TEK: variants seen among roughly 807,000 people sequenced by gnomAD.
TEK encodes TEK receptor tyrosine kinase, also known as angiopoietin-1 receptor.
A neutral mutation model predicts 131.8 loss-of-function variants in TEK; 43 were observed. The ratio of observed to expected loss-of-function variants is 0.33; its 90% confidence interval spans 0.26 to 0.42. The LOEUF is 0.42. Ranked by LOEUF, TEK falls within the 10% of genes least tolerant of loss-of-function variation. TEK has a pLI of 1.00. For synonymous variants in TEK, 580 were observed against 491.6 expected (o/e 1.18, Z -2.38); for missense variants, 1,162 against 1,384.4 (o/e 0.84, Z 2.55).
At chr9:27,160,458 C>G (rs950138593) in intron 2 of TEK, among the ~76,000 whole-genome samples, 3 of 152,080 alleles carry the variant, frequency 2.0e-5, no homozygotes, top group South Asian at 4.1e-4. Flanking sequence ...GCTTACAGAT[C>G]ACCTGTAGTT....
chr9:27,141,924 G>T (rs1822739494), intron 1 of TEK, among the ~76,000 whole-genome samples: 1 of 152,130 alleles, frequency 6.6e-6, no homozygotes, highest in Admixed American at 6.6e-5. Context: ...TTTTTGAATT[G>T]TGCAAAGTAA....
intron 1 of TEK, among the ~76,000 whole-genome samples, chr9:27,111,533 GAAAA>G (rs34617595): frequency 6.9e-6 from 1 of 144,588 alleles, no homozygotes; most frequent in Non-Finnish European, 1.5e-5. Context: ...CCCACAGACT[GAAAA>G]AAAAAAAAAG....
At chr9:27,142,147 G>A (rs1198224380) in intron 1 of TEK, among the ~76,000 whole-genome samples, 1 of 152,200 alleles carries the variant, frequency 6.6e-6, no homozygotes, top group Non-Finnish European at 1.5e-5. Context: ...ATATGAAAAG[G>A]AATGTGAGGG....
At chr9:27,145,874 C>T (rs970390369) in intron 1 of TEK, among the ~76,000 whole-genome samples, 2 of 152,108 alleles carry the variant, frequency 1.3e-5, no homozygotes, top group Non-Finnish European at 2.9e-5. Context: ...GTGTGCCTTC[C>T]TATAAATAAA....
chr9:27,134,789 A>G (rs568675944), intron 1 of TEK, among the ~76,000 whole-genome samples: 2 of 152,314 alleles, frequency 1.3e-5, no homozygotes, highest in East Asian at 3.9e-4. Flanking sequence ...TTAAAGATCT[A>G]ATAAAAAGAA....
intron 19 of TEK, among the ~76,000 whole-genome samples, chr9:27,218,136 G>GGGGA (rs1554702624): frequency 6.7e-6 from 1 of 150,328 alleles, no homozygotes; most frequent in African/African-American, 2.4e-5. Flanking sequence ...ACAGTGGCGG[G>GGGGA]GGTCGTCTCT....
intron 6 of TEK, 81 bp from the exon 7 acceptor site, chr9:27,180,159 A>G: frequency 6.3e-7 from 1 of 1,597,150 alleles, no homozygotes; most frequent in East Asian, 2.2e-5. Context: ...CTTAGAGAGA[A>G]AAATAAAACT....
chr9:27,222,702 C>G (rs1377872708), intron 21 of TEK, among the ~76,000 whole-genome samples: 1 of 152,088 alleles, frequency 6.6e-6, no homozygotes, highest in Non-Finnish European at 1.5e-5. Context: ...TACAAGAGCT[C>G]CTGAAGGAAG....
chr9:27,159,303 A>G (rs1823458285), intron 2 of TEK, among the ~76,000 whole-genome samples: 1 of 152,170 alleles, frequency 6.6e-6, no homozygotes, highest in Non-Finnish European at 1.5e-5. Context: ...AGATGTAGAC[A>G]TGAGGCTCTT....
chr9:27,191,883 C>G (rs371411014), intron 10 of TEK: 4 of 442,008 alleles, frequency 9.0e-6, no homozygotes, highest in Non-Finnish European at 1.8e-5. Flanking sequence ...TTTTTCTTAC[C>G]AAGTAGGAAT....
chr9:27,227,876 G>A (rs546835365), intron 21 of TEK, among the ~76,000 whole-genome samples: 1 of 152,242 alleles, frequency 6.6e-6, no homozygotes, highest in East Asian at 1.9e-4. Flanking sequence ...TTGAGCATGG[G>A]CCCTTTAAGA....
At chr9:27,140,090 G>A (rs577140285) in intron 1 of TEK, among the ~76,000 whole-genome samples, 1 of 152,058 alleles carries the variant, frequency 6.6e-6, no homozygotes, top group African/African-American at 2.4e-5. Flanking sequence ...TTAATCGGTT[G>A]GTCCAGGTTG....
At chr9:27,158,216 C>T in intron 2 of TEK, 74 bp downstream of exon 2, 1 of 1,560,608 alleles carries the variant, frequency 6.4e-7, no homozygotes, top group Non-Finnish European at 8.8e-7. Flanking sequence ...GGCAGCTGCT[C>T]CCTCAGGGGC....
chr9:27,132,488 T>A (rs906696082), intron 1 of TEK, among the ~76,000 whole-genome samples: 4 of 152,222 alleles, frequency 2.6e-5, no homozygotes, highest in Admixed American at 6.5e-5. Flanking sequence ...AGTATTATTA[T>A]GGAAAAAGAT....
chr9:27,148,054 GTTA>G (rs143616982), intron 1 of TEK, among the ~76,000 whole-genome samples: 26,971 of 152,144 alleles, frequency 0.18, 3,092 homozygotes, highest in Non-Finnish European at 0.25. Context: ...TGAGGATTGA[GTTA>G]TTATGTGTTG....
chr9:27,149,094 A>G (rs1007954873), intron 1 of TEK, among the ~76,000 whole-genome samples: 4 of 152,220 alleles, frequency 2.6e-5, no homozygotes, highest in African/African-American at 9.6e-5. Context: ...GAATGCATTC[A>G]CTGAAGGCCA....
intron 12 of TEK, among the ~76,000 whole-genome samples, chr9:27,199,655 A>T (rs1229846633): frequency 6.6e-6 from 1 of 152,044 alleles, no homozygotes; most frequent in Non-Finnish European, 1.5e-5. Flanking sequence ...CTCTTTTTTG[A>T]TATACTTATT....
intron 1 of TEK, among the ~76,000 whole-genome samples, chr9:27,131,865 C>G (rs1822240877): frequency 1.3e-5 from 2 of 151,842 alleles, no homozygotes; most frequent in Non-Finnish European, 2.9e-5. Context: ...AGTTTCCCCT[C>G]TAAATAGTCT....
At chr9:27,189,863 T>C (rs971535933) in intron 9 of TEK, among the ~76,000 whole-genome samples, 1 of 152,058 alleles carries the variant, frequency 6.6e-6, no homozygotes, top group African/African-American at 2.4e-5. Context: ...GAGAGAGATA[T>C]ATATATATAG....
Sources: allele counts gnomAD v4.1 joint callset (sites outside exome capture counted in the v4.1 genomes callset), GRCh38; gene constraint gnomAD v4.1.1; transcripts MANE v1.5; gene names NCBI Gene and HGNC (gene_info 2026-07-23, HGNC 2026-07-21).